The following LRRC4C variants were observed in gnomAD, a reference collection of about 807,000 sequenced individuals.
LRRC4C encodes leucine rich repeat containing 4C, also known as leucine-rich repeat-containing protein 4C.
In LRRC4C, 5 loss-of-function variants were observed where a neutral mutation model predicts 33.6. The observed-to-expected ratio is 0.15, with a 90% confidence interval of 0.08 to 0.31. The LOEUF is 0.31. Among genes scored for constraint, LRRC4C ranks in the 10% least tolerant of loss-of-function variants. LRRC4C has a pLI of 1.00. For missense variants in LRRC4C, 560 were observed against 796.7 expected, an observed-to-expected ratio of 0.70 and a Z score of 3.58; for synonymous variants, 329 against 302.0, an observed-to-expected ratio of 1.09 and a Z score of -0.93.
chr11:40,210,917 T>C (rs1035131035), intron 5 of LRRC4C, among the ~76,000 whole-genome samples: 21 of 151,896 alleles, frequency 1.4e-4, no homozygotes, highest in Non-Finnish European at 2.8e-4. Flanking sequence ...GGATTACAGG[T>C]GCCTGCCACC....
intron 3 of LRRC4C, among the ~76,000 whole-genome samples, chr11:40,449,345 C>CA (rs11407596): frequency 0.43 from 59,937 of 140,170 alleles, 12,198 homozygotes; most frequent in South Asian, 0.53. Context: ...ACAAAAGAAG[C>CA]AAAAAAAAAA....
chr11:40,946,054 T>C (rs1176049837), intron 1 of LRRC4C, among the ~76,000 whole-genome samples: 1 of 152,150 alleles, frequency 6.6e-6, no homozygotes, highest in East Asian at 1.9e-4. Context: ...AGCATAGTAC[T>C]CAAGAGTAAT....
chr11:40,691,304 G>A (rs188372689), intron 2 of LRRC4C, among the ~76,000 whole-genome samples: 1 of 152,110 alleles, frequency 6.6e-6, no homozygotes, highest in East Asian at 1.9e-4. Context: ...CTCATAGGGA[G>A]CACTTCCGAT....
At chr11:40,984,892 A>ATTTTTTTTTTTTTTTT (rs1352712808) in intron 1 of LRRC4C, among the ~76,000 whole-genome samples, 1 of 24,652 alleles carries the variant, frequency 4.1e-5, no homozygotes, top group Non-Finnish European at 1.3e-4. Flanking sequence ...TCTCACTGAC[A>ATTTTTTTTTTTTTTTT]CTTTTTTTTT....
At chr11:40,553,222 A>G (rs1451951634) in intron 3 of LRRC4C, among the ~76,000 whole-genome samples, 1 of 152,114 alleles carries the variant, frequency 6.6e-6, no homozygotes, top group Non-Finnish European at 1.5e-5. Context: ...CAGTGAGCTG[A>G]TATCGCGCCA....
At chr11:40,147,351 ACAGGATCCCTGTC>A (rs1300832344) in intron 5 of LRRC4C, among the ~76,000 whole-genome samples, 2 of 152,096 alleles carry the variant, frequency 1.3e-5, no homozygotes, top group Non-Finnish European at 2.9e-5. Flanking sequence ...CAGATCTCTT[ACAGGATCCCTGTC>A]CTGCTGCATA....
intron 2 of LRRC4C, among the ~76,000 whole-genome samples, chr11:40,845,260 C>T (rs1953103626): frequency 6.6e-6 from 1 of 152,022 alleles, no homozygotes; most frequent in African/African-American, 2.4e-5. Flanking sequence ...CATCCATCAG[C>T]CTGTCATCTA....
In LRRC4C at chr11:41,323,162, A is replaced by G. The variant is rs1344483904; in HGVS notation, c.-496+136269T>C. ...TCCTGTTTACAAACATTTACATCCT[A>G]TCATTATATTTCTTTTAATCTATTG... On this transcript the variant is annotated intron_variant, in intron 1 of 6. Coordinates refer to ENST00000528697, the MANE Select transcript of LRRC4C (RefSeq NM_001258419.2). 2.0e-5 allele frequency among the ~76,000 whole-genome samples: 3 copies of G among 152,260 alleles called. No homozygotes were observed. The South Asian group carries it at 6.2e-4, about 32-fold the overall frequency.
intron 1 of LRRC4C, among the ~76,000 whole-genome samples, chr11:40,964,181 T>C (rs547904103): frequency 6.6e-6 from 1 of 151,782 alleles, no homozygotes. Context: ...GTGAAACCCT[T>C]GCAACAGAGC....
chr11:41,145,652 T>C (rs756746179), intron 1 of LRRC4C, among the ~76,000 whole-genome samples: 1 of 152,176 alleles, frequency 6.6e-6, no homozygotes, highest in Non-Finnish European at 1.5e-5. Flanking sequence ...TAATTATTCA[T>C]GTACATAACG....
At chr11:40,476,940 AG>A (rs1205065658) in intron 3 of LRRC4C, among the ~76,000 whole-genome samples, 5 of 152,254 alleles carry the variant, frequency 3.3e-5, no homozygotes, top group African/African-American at 1.2e-4. Flanking sequence ...TATGCATCAG[AG>A]AAGTTTAGTC....
intron 1 of LRRC4C, among the ~76,000 whole-genome samples, chr11:41,457,854 C>T (rs1172891044): frequency 6.6e-6 from 1 of 152,040 alleles, no homozygotes; most frequent in Non-Finnish European, 1.5e-5. Context: ...CCTCTTTTAC[C>T]TACTTCTCTA....
chr11:40,122,976 C>T (rs1855943158), intron 6 of LRRC4C, among the ~76,000 whole-genome samples: 1 of 141,896 alleles, frequency 7.0e-6, no homozygotes, highest in Non-Finnish European at 1.5e-5. Flanking sequence ...CACACACACA[C>T]ACACACACAC....
rs551680070 is a variant in LRRC4C, at chr11:40,303,530, C to T, written c.-176+16098G>A. Among the ~76,000 whole-genome samples, 3 of 152,226 alleles carry T rather than the reference C, an allele frequency of 2.0e-5. No individual in the cohort carries two copies. In the South Asian group the frequency reaches 6.2e-4, roughly 32 times the overall value. On this transcript the variant is annotated intron_variant, in intron 4 of 6. Transcript: ENST00000528697. ...GATTAGCAGTTCCTAAACATTGTCC[C>T]TGCTTAAATTTCCACTGGAGCTATA...
intron 3 of LRRC4C, among the ~76,000 whole-genome samples, chr11:40,372,923 G>A (rs533057130): frequency 6.6e-6 from 1 of 152,198 alleles, no homozygotes; most frequent in East Asian, 1.9e-4. Flanking sequence ...GATAATTTGG[G>A]ATTTTTTTTT....
chr11:41,442,458 C>CTTTTTTTTTTTTTT (rs775679545), intron 1 of LRRC4C, among the ~76,000 whole-genome samples: 7 of 84,068 alleles, frequency 8.3e-5, no homozygotes, highest in Non-Finnish European at 1.2e-4. Flanking sequence ...TTGCTTTTTT[C>CTTTTTTTTTTTTTT]TTTTTTTTTT....
At chr11:40,883,298 A>G (rs11036136) in intron 2 of LRRC4C, among the ~76,000 whole-genome samples, 11,357 of 152,060 alleles carry the variant, frequency 0.075, 529 homozygotes, top group Admixed American at 0.16. Context: ...CTGCCCCCCT[A>G]TAGTCAACTG....
At chr11:40,437,267 G>A (rs1239485783) in intron 3 of LRRC4C, among the ~76,000 whole-genome samples, 1 of 152,114 alleles carries the variant, frequency 6.6e-6, no homozygotes, top group East Asian at 1.9e-4. Flanking sequence ...CATTGTAATT[G>A]CAGATTGCAC....
intron 2 of LRRC4C, among the ~76,000 whole-genome samples, chr11:40,756,279 T>C (rs1425589005): frequency 6.6e-6 from 1 of 152,108 alleles, no homozygotes; most frequent in African/African-American, 2.4e-5. Flanking sequence ...ATCAAACTAA[T>C]ACATCACTTA....
Sources: gnomAD v4.1 joint callset for allele counts (sites outside exome capture counted in the v4.1 genomes callset) on GRCh38, gnomAD v4.1.1 for gene constraint, MANE v1.5 for transcripts, NCBI Gene and HGNC (gene_info 2026-07-23, HGNC 2026-07-21) for gene names.